SIPA1L1: variants seen among roughly 807,000 people sequenced by gnomAD.
The protein encoded by SIPA1L1 is signal-induced proliferation-associated 1-like protein 1.
Under a neutral mutation model 162.7 loss-of-function variants are expected in SIPA1L1, and 26 were observed. That is an observed-to-expected ratio of 0.16 (90% CI 0.12 to 0.22). The LOEUF is 0.22. SIPA1L1 is among the 10% of genes least tolerant of loss of function. The probability of loss-of-function intolerance (pLI) is 1.00; values close to 1 mark genes in which losing one functional copy is unlikely to be tolerated. For missense variants in SIPA1L1, 1,874 were observed against 2,241.0 expected, an observed-to-expected ratio of 0.84 and a Z score of 3.31; for synonymous variants, 829 against 837.4, an observed-to-expected ratio of 0.99 and a Z score of 0.17.
chr14:71,702,907 C>T (rs1210262425), intron 15 of SIPA1L1, among the ~76,000 whole-genome samples: 1 of 152,194 alleles, frequency 6.6e-6, no homozygotes, highest in African/African-American at 2.4e-5. Context: ...TGTTTAGTCA[C>T]ATCCGTAGCT....
intron 2 of SIPA1L1, among the ~76,000 whole-genome samples, chr14:71,356,588 G>A (rs1167687099): frequency 0.04 from 562 of 14,150 alleles, 1 homozygote; most frequent in African/African-American, 0.054. Context: ...AAAAAAAAAA[G>A]CACACCTGTT....
chr14:71,581,727 A>G (rs557942982), intron 4 of SIPA1L1, among the ~76,000 whole-genome samples: 4 of 152,280 alleles, frequency 2.6e-5, no homozygotes, highest in Admixed American at 6.5e-5. Flanking sequence ...GTCTCTTGCT[A>G]TCCTGATGGC....
chr14:71,726,427 G>T (rs2084249215), intron 19 of SIPA1L1, among the ~76,000 whole-genome samples: 1 of 152,216 alleles, frequency 6.6e-6, no homozygotes, highest in South Asian at 2.1e-4. Context: ...AATAAAACCT[G>T]CCCTGAAGGG....
intron 20 of SIPA1L1, among the ~76,000 whole-genome samples, chr14:71,732,505 G>A (rs547852740): frequency 6.6e-6 from 1 of 152,214 alleles, no homozygotes; most frequent in East Asian, 1.9e-4. Context: ...GCATGAACCT[G>A]AGCAATAGGA....
chr14:71,371,070 A>AT (rs1392138224), intron 2 of SIPA1L1, among the ~76,000 whole-genome samples: 1 of 152,142 alleles, frequency 6.6e-6, no homozygotes, highest in Non-Finnish European at 1.5e-5. Flanking sequence ...CTTTAATTCT[A>AT]TTTATTAAAT....
chr14:71,566,803 A>C (rs1340433788), intron 4 of SIPA1L1, among the ~76,000 whole-genome samples: 1 of 152,212 alleles, frequency 6.6e-6, no homozygotes, highest in African/African-American at 2.4e-5. Flanking sequence ...AGAGCAAAAC[A>C]CCCAATTACA....
At chr14:71,358,397 C>G (rs972922720) in intron 2 of SIPA1L1, among the ~76,000 whole-genome samples, 3 of 152,206 alleles carry the variant, frequency 2.0e-5, no homozygotes, top group African/African-American at 7.2e-5. Flanking sequence ...TAAATTTGCT[C>G]ATACATAACT....
At chr14:71,564,925 G>A (rs577377487) in intron 4 of SIPA1L1, among the ~76,000 whole-genome samples, 1 of 152,108 alleles carries the variant, frequency 6.6e-6, no homozygotes, top group South Asian at 2.1e-4. Context: ...CTCACTTAAA[G>A]GTATGTTTTT....
At chr14:71,537,367 AT>A (rs1355461958) in intron 4 of SIPA1L1, among the ~76,000 whole-genome samples, 1 of 151,872 alleles carries the variant, frequency 6.6e-6, no homozygotes, top group Admixed American at 6.6e-5. Flanking sequence ...GGCCCGGCTA[AT>A]TTTTGGTATT....
chr14:71,582,424 C>T (rs1028201487), intron 4 of SIPA1L1, among the ~76,000 whole-genome samples: 6 of 152,102 alleles, frequency 3.9e-5, no homozygotes, highest in Non-Finnish European at 5.9e-5. Context: ...TTCTGCCAAA[C>T]TTTTGTGTTC....
chr14:71,404,879 G>T (rs753135809), intron 2 of SIPA1L1, among the ~76,000 whole-genome samples: 1 of 152,176 alleles, frequency 6.6e-6, no homozygotes, highest in Non-Finnish European at 1.5e-5. Flanking sequence ...CATACTTCTT[G>T]TGCAGTGTCA....
At chr14:71,622,889 C>T (rs1416230503) in intron 6 of SIPA1L1, among the ~76,000 whole-genome samples, 3 of 152,184 alleles carry the variant, frequency 2.0e-5, no homozygotes, top group Non-Finnish European at 4.4e-5. Context: ...CTCACAGCTG[C>T]CTCATCCATT....
intron 2 of SIPA1L1, among the ~76,000 whole-genome samples, chr14:71,512,161 A>AGGAACAGCCTTGTG (rs1165421408): frequency 3.9e-5 from 6 of 152,192 alleles, no homozygotes; most frequent in Non-Finnish European, 7.3e-5. Context: ...CGTCTGAATT[A>AGGAACAGCCTTGTG]GGAACAGCCT....
At chr14:71,590,037 AAAAAAAAATAT>A (rs1289830924) in intron 5 of SIPA1L1, among the ~76,000 whole-genome samples, 20 of 73,638 alleles carry the variant, frequency 2.7e-4, no homozygotes, top group African/African-American at 1.1e-3. Flanking sequence ...AAAAAAAAAA[AAAAAAAAATAT>A]ATATATATAT....
At chr14:71,516,325 C>G (rs1464986966) in intron 3 of SIPA1L1, among the ~76,000 whole-genome samples, 5 of 152,220 alleles carry the variant, frequency 3.3e-5, no homozygotes, top group African/African-American at 4.8e-5. Flanking sequence ...TCTACTTGAT[C>G]TGAGCCTGAG....
Position 71,432,569 on chromosome 14 carries a change from G to A in SIPA1L1, c.-464-80174G>A, listed in dbSNP as rs150271710. ...GTATTTATGTTTTATGACTAGCTCT[G>A]AGGAAAGGGATTTCTGGTTTCTATG... On this transcript the variant is annotated intron_variant, in intron 2 of 23. Coordinates refer to ENST00000381232, the MANE Select transcript of SIPA1L1 (RefSeq NM_001386936.1). Among the ~76,000 whole-genome samples the A allele has an allele frequency of 6.7e-3, 1,018 of 152,250 alleles. 6 individuals are homozygous for A. Among genetic ancestry groups the A allele is most frequent in the Non-Finnish European group, 0.012 (794 of 68,006 alleles).
At chr14:71,401,475 G>T (rs1397881342) in intron 2 of SIPA1L1, among the ~76,000 whole-genome samples, 1 of 147,888 alleles carries the variant, frequency 6.8e-6, no homozygotes, top group Non-Finnish European at 1.5e-5. Context: ...TCGTCTGTTT[G>T]TTCAACTCTG....
At chr14:71,584,794 T>A (rs975677914) in intron 4 of SIPA1L1, among the ~76,000 whole-genome samples, 1 of 152,110 alleles carries the variant, frequency 6.6e-6, no homozygotes, top group Non-Finnish European at 1.5e-5. Flanking sequence ...ATAAGGAAAA[T>A]TTTTATATAG....
At chr14:71,687,690 C>T (rs570101015) in intron 13 of SIPA1L1, among the ~76,000 whole-genome samples, 1 of 152,174 alleles carries the variant, frequency 6.6e-6, no homozygotes. Flanking sequence ...TGCAGAACTC[C>T]ATTTTTTCCA....
Sources: allele counts gnomAD v4.1 joint callset (sites outside exome capture counted in the v4.1 genomes callset), GRCh38; gene constraint gnomAD v4.1.1; transcripts MANE v1.5; gene names NCBI Gene and HGNC (gene_info 2026-07-23, HGNC 2026-07-21).